The following AHNAK2 variants were observed in gnomAD, a reference collection of about 807,000 sequenced individuals.
AHNAK2 encodes the protein protein AHNAK2.
In AHNAK2, 18 loss-of-function variants were observed where a neutral mutation model predicts 30.7. The observed-to-expected ratio is 0.59, with a 90% CI of 0.41 to 0.87. The LOEUF (loss-of-function observed/expected upper bound fraction) is 0.87. Ranked by LOEUF, AHNAK2 falls within the 40% of genes least tolerant of loss-of-function variation. The pLI is 0.00. For missense variants in AHNAK2, 8,604 were observed against 7,373.0 expected (o/e 1.17, Z -6.11); for synonymous variants, 3,590 against 3,073.8 (o/e 1.17, Z -5.56).
rs766682872 is a variant in AHNAK2, at chr14:104,944,619, G to T, written c.10832C>A (p.Pro3611Gln). 1.9e-5 allele frequency: 30 copies of T among 1,612,938 alleles called. No individual in the cohort carries two copies. In the African/African-American group the frequency reaches 2.1e-4, roughly 12 times the overall value. ...LPSVEVDVQA[P>Q]KAKLDAGRLE... ...CCGCCCAGCATCCAGCTTGGCCTTC[G>T]GGGCCTGGACATCCACCTCCACGCT... Residue 3611 changes from proline (P) to glutamine (Q), a missense_variant, in exon 7 of 7, where the codon CCG becomes CAG. Pro to Gln is a moderately conservative substitution (Grantham distance 76, BLOSUM62 -1). Coordinates refer to ENST00000333244, the MANE Select transcript of AHNAK2 (RefSeq NM_138420.4).
chr14:104,956,296 C>G (rs1391502067), intron 4 of AHNAK2, among the ~76,000 whole-genome samples: 1 of 152,098 alleles, frequency 6.6e-6, no homozygotes, highest in African/African-American at 2.4e-5. Context: ...CCCCATTGCA[C>G]GGAGGAGAAA....
At position 104,966,458 on chromosome 14, in the gene AHNAK2, T is replaced by C. The variant is rs1214185126; in HGVS notation, c.56-8786A>G. On this transcript the variant is annotated intron_variant, in intron 1 of 6. Coordinates refer to ENST00000333244, the MANE Select transcript of AHNAK2 (RefSeq NM_138420.4). This position sits in a 1 kb window ranked among gnomAD's most constrained non-coding sequence, Gnocchi z 4.3. ...GTCTCCCTTCTGCACAGCTCTGTCCTGGCCACCTGGGCCCATCTCACTCAC... is the reference window on the plus strand; with the variant it reads ...GTCTCCCTTCTGCACAGCTCTGTCCCGGCCACCTGGGCCCATCTCACTCAC... 6.6e-6 allele frequency among the ~76,000 whole-genome samples: 1 copy of C among 152,162 alleles called. No homozygotes were observed. The highest frequency in any genetic ancestry group is 1.5e-5 in the Non-Finnish European group (1 of 68,030).
In AHNAK2 at chr14:104,953,388, G is replaced by A. The variant is rs1423671369; in HGVS notation, c.2063C>T (p.Ser688Leu). Residue 688 changes from serine (S) to leucine (L), a missense_variant, in exon 7 of 7, where the codon TCA becomes TTA. Physicochemically the swap from Ser to Leu is moderately radical, Grantham distance 145. Coordinates refer to ENST00000333244, the MANE Select transcript of AHNAK2 (RefSeq NM_138420.4). ...PKFKMPLFGASAPGKSMEASV... is the reference protein window; with the variant it reads ...PKFKMPLFGALAPGKSMEASV... ...GGCCTCCATGGACTTGCCTGGGGCT[G>A]ACGCCCCGAACAATGGCATCTTGAA... 1.2e-6 allele frequency: 2 copies of A among 1,613,914 alleles called. No homozygotes were observed. The highest frequency in any genetic ancestry group is 1.3e-5 in the African/African-American group (1 of 74,994).
In AHNAK2 at chr14:104,948,998, G is replaced by T; in HGVS notation, c.6453C>A (p.Ser2151Arg). The T allele has an allele frequency of 8.2e-7, 1 of 1,222,732 alleles. No homozygotes were observed. The highest frequency in any genetic ancestry group is 2.5e-4 in the Middle Eastern group (1 of 3,932). The allele number at this position is 1,222,732 out of a possible 1,614,324, so 75.7% of individuals were successfully genotyped here. Residue 2151 changes from serine to arginine, a missense_variant, in exon 7 of 7, where the codon AGC becomes AGA. Coordinates refer to ENST00000333244, the MANE Select transcript of AHNAK2 (RefSeq NM_138420.4). Reference protein sequence around the residue: ...LANKDLTTKDSKFKMPKFKMP... With the variant: ...LANKDLTTKDRKFKMPKFKMP... ...TCTTGAACTTGGGCATTTTGAACTT[G>T]CTGTCTTTGGTAGTCAGGTCCTTGT...
chr14:104,968,177 C>T (rs1899362861), intron 1 of AHNAK2, among the ~76,000 whole-genome samples: 2 of 152,244 alleles, frequency 1.3e-5, no homozygotes, highest in African/African-American at 2.4e-5. Context: ...CTACCATTAA[C>T]ATTCCTGCGG....
In AHNAK2 at chr14:104,942,499, C is replaced by T. The variant is rs201940273; in HGVS notation, c.12952G>A (p.Glu4318Lys). ...FGVSAPGKSI[E>K]ASLDVSALKV... ...AGCGCAGACACATCCAACGAGGCCT[C>T]GATGGACTTGCCTGGGGCAGACACC... The change falls in exon 7 of 7, where the codon GAG becomes AAG. Residue 4318 changes from glutamate (E) to lysine (K), a missense_variant. Glu to Lys is a moderately conservative substitution (Grantham distance 56). Coordinates refer to ENST00000333244, the MANE Select transcript of AHNAK2 (RefSeq NM_138420.4). The T allele has an allele frequency of 3.3e-4, 525 of 1,613,016 alleles. No individual in the cohort carries two copies. Among genetic ancestry groups the T allele is most frequent in the Non-Finnish European group, 4.0e-4 (475 of 1,179,558 alleles).
rs370053465 is a variant in AHNAK2 at position 104,947,030 on chromosome 14, T to A, written c.8421A>T (p.Thr2807=). 2.6e-4 allele frequency: 422 copies of A among 1,610,312 alleles called. 4 individuals are homozygous for A. Among genetic ancestry groups the A allele is most frequent in the Middle Eastern group, 1.7e-3 (10 of 6,042 alleles). The change falls in exon 7 of 7, where the codon ACA becomes ACT. Residue 2807 remains threonine, a synonymous_variant. Transcript: ENST00000333244. The part of the protein sequence containing the change: ...GDLSLADKGM[T]AKDSKFKMPK... Reference sequence around the variant, plus strand: ...GCATTTTGAACTTGCTGTCTTTGGCTGTCATGCCCTTGTCGGCCAGGGACA... The same window carrying A: ...GCATTTTGAACTTGCTGTCTTTGGCAGTCATGCCCTTGTCGGCCAGGGACA...
Position 104,955,147 on chromosome 14 carries a change from C to A in AHNAK2, c.467-6G>T, listed in dbSNP as rs770546837. On this transcript the variant is annotated splice_polypyrimidine_tract_variant and splice_region_variant and intron_variant, in intron 5 of 6. Transcript: ENST00000333244. ...TGTACTGAGCAGCTGATCCCCTAGA[C>A]CAAGAAAGAGCAGCCCCAGGGCCGG... 6.3e-7 allele frequency: 1 copy of A among 1,599,758 alleles called. No individual in the cohort carries two copies. The highest frequency in any genetic ancestry group is 1.1e-5 in the South Asian group (1 of 90,362).
chr14:104,971,310 C>T (rs960405285), intron 1 of AHNAK2, among the ~76,000 whole-genome samples: 14 of 151,952 alleles, frequency 9.2e-5, no homozygotes, highest in South Asian at 2.1e-4. Flanking sequence ...AGATAGGATC[C>T]TACCATATTG....
chr14:104,953,538 T>C lies in AHNAK2; in HGVS notation c.1913A>G (p.Asp638Gly), dbSNP rs751825846. ...RTEEGLKDKE[D>G]SDSMTNTTKI... ...TGTTGTGTTTGTCATTGAGTCACTGTCTTCTTTGTCTTTTAATCCTTCCTC... is the reference window on the plus strand; with the variant it reads ...TGTTGTGTTTGTCATTGAGTCACTGCCTTCTTTGTCTTTTAATCCTTCCTC... The change falls in exon 7 of 7, where the codon GAC (aspartate) becomes GGC (glycine). Residue 638 changes from aspartate (D) to glycine (G), a missense_variant. By Grantham distance (94) the Asp-to-Gly change is moderately conservative. Coordinates refer to ENST00000333244, the MANE Select transcript of AHNAK2 (RefSeq NM_138420.4). The C allele has an allele frequency of 4.3e-6, 7 of 1,613,926 alleles. No individual in the cohort carries two copies. The highest frequency in any genetic ancestry group is 1.3e-5 in the African/African-American group (1 of 74,942).
At chr14:104,957,178 A>G (rs1410347486) in intron 3 of AHNAK2, among the ~76,000 whole-genome samples, 1 of 152,212 alleles carries the variant, frequency 6.6e-6, no homozygotes, top group African/African-American at 2.4e-5. Flanking sequence ...TGTCCCCATC[A>G]GCCCATACGC....
In AHNAK2 at chr14:104,953,123, G is replaced by A. The variant is rs774130626; in HGVS notation, c.2328C>T (p.Pro776=). 2 of 1,613,180 alleles carry A rather than the reference G, an allele frequency of 1.2e-6. No homozygotes were observed. Among genetic ancestry groups the A allele is most frequent in the South Asian group, 1.1e-5 (1 of 91,052 alleles). ...LKMPKVDLKG[P]KLDLKGPKAE... is the part of the protein sequence containing the mutation. The stretch of plus-strand genomic sequence containing the variant: ...CCTTGGGGCCTTTCAGGTCCAGCTT[G>A]GGGCCCTTGAGGTCCACTTTGGGCA... The change falls in exon 7 of 7, where the codon CCC becomes CCT. Residue 776 remains proline, a synonymous_variant. Transcript: ENST00000333244.
In AHNAK2 at chr14:104,942,109, C is replaced by T. The variant is rs754853056; in HGVS notation, c.13342G>A (p.Asp4448Asn). The T allele has an allele frequency of 6.2e-7, 1 of 1,613,082 alleles. No individual in the cohort carries two copies. The highest frequency in any genetic ancestry group is 8.5e-7 in the Non-Finnish European group (1 of 1,179,714). Residue 4448 changes from aspartate to asparagine, a missense_variant, in exon 7 of 7, where the codon GAC becomes AAC. By Grantham distance (23) the Asp-to-Asn change is conservative. Coordinates refer to ENST00000333244, the MANE Select transcript of AHNAK2 (RefSeq NM_138420.4). ...ACGTCCTTGTCAGCCAGGGACAGGT[C>T]CCCCTCCAGCCGCGTACTGTCCAGC... ...AKLDSTRLEG[D>N]LSLADKDVTA...
chr14:104,964,342 G>A (rs1462681675), intron 1 of AHNAK2, among the ~76,000 whole-genome samples: 10 of 152,136 alleles, frequency 6.6e-5, no homozygotes, highest in African/African-American at 2.2e-4. Flanking sequence ...CAGACCACCT[G>A]GAGACAAGGC....
intron 1 of AHNAK2, among the ~76,000 whole-genome samples, chr14:104,968,911 C>T (rs1293036286): frequency 6.6e-6 from 1 of 152,200 alleles, no homozygotes; most frequent in Non-Finnish European, 1.5e-5. Flanking sequence ...GGCGGGAGCC[C>T]TGTGGGAGTC....
At position 104,953,378 on chromosome 14, in the gene AHNAK2, G is replaced by C. The variant is rs1484031265; in HGVS notation, c.2073C>G (p.Gly691=). ...CATCCACCGAGGCCTCCATGGACTTGCCTGGGGCTGACGCCCCGAACAATG... is the reference window on the plus strand; with the variant it reads ...CATCCACCGAGGCCTCCATGGACTTCCCTGGGGCTGACGCCCCGAACAATG... ...KMPLFGASAP[G]KSMEASVDVS... Residue 691 remains glycine, a synonymous_variant, in exon 7 of 7, where the codon GGC becomes GGG. Transcript: ENST00000333244. The C allele has an allele frequency of 1.9e-6, 3 of 1,613,778 alleles. No individual in the cohort carries two copies. Among genetic ancestry groups the C allele is most frequent in the African/African-American group, 2.7e-5 (2 of 74,860 alleles).
chr14:104,964,707 C>T (rs754116777), intron 1 of AHNAK2, among the ~76,000 whole-genome samples: 5 of 152,234 alleles, frequency 3.3e-5, no homozygotes, highest in Non-Finnish European at 5.9e-5. Context: ...AGCGCTCGTA[C>T]CGGGGGAGCC....
In AHNAK2 at chr14:104,941,587, C is replaced by T. The variant is rs774967663; in HGVS notation, c.13864G>A (p.Ala4622Thr). The T allele has an allele frequency of 9.3e-6, 15 of 1,613,320 alleles. No individual in the cohort carries two copies. In the South Asian group the frequency reaches 1.4e-4, roughly 15 times the overall value. ...GDLSLAHEDVAGKDSKFQGPK... is the reference protein window; with the variant it reads ...GDLSLAHEDVTGKDSKFQGPK... ...CCTTGAAACTTACTGTCTTTCCCAGCTACATCCTCGTGGGCCAGGGACAGG... is the reference window on the plus strand; with the variant it reads ...CCTTGAAACTTACTGTCTTTCCCAGTTACATCCTCGTGGGCCAGGGACAGG... Residue 4622 changes from alanine to threonine, a missense_variant, in exon 7 of 7, where the codon GCT becomes ACT. Physicochemically the swap from Ala to Thr is moderately conservative, Grantham distance 58. Coordinates refer to ENST00000333244, the MANE Select transcript of AHNAK2 (RefSeq NM_138420.4).
At position 104,947,456 on chromosome 14, in the gene AHNAK2, C is replaced by G. The variant is rs753498318; in HGVS notation, c.7995G>C (p.Glu2665Asp). 2.4e-5 allele frequency: 39 copies of G among 1,612,642 alleles called. No homozygotes were observed. Among genetic ancestry groups the G allele is most frequent in the Non-Finnish European group, 3.0e-5 (35 of 1,179,570 alleles). ...ACACATCCACCAACGCCTCGATGGA[C>G]TCGCCTGGGGCCGACACCCTGAATG... ...MPSFRVSAPGESIEALVDVSE... is the reference protein window; with the variant it reads ...MPSFRVSAPGDSIEALVDVSE... Residue 2665 changes from glutamate (E) to aspartate (D), a missense_variant, in exon 7 of 7, where the codon GAG (glutamate) becomes GAC (aspartate). By Grantham distance (45) the Glu-to-Asp change is conservative. Coordinates refer to ENST00000333244, the MANE Select transcript of AHNAK2 (RefSeq NM_138420.4).
Sources: allele counts gnomAD v4.1 joint callset (sites outside exome capture counted in the v4.1 genomes callset), GRCh38; gene constraint gnomAD v4.1.1; non-coding constraint Gnocchi (gnomAD v3.1); transcripts MANE v1.5; gene names NCBI Gene and HGNC (gene_info 2026-07-23, HGNC 2026-07-21).